The following KLF9 variants were observed in gnomAD, a reference collection of about 807,000 sequenced individuals.
KLF9 encodes the protein KLF transcription factor 9.
In KLF9, 2 loss-of-function variants were observed where a neutral mutation model predicts 17.3. That is an observed-to-expected ratio of 0.12 (90% CI 0.05 to 0.36). The LOEUF (loss-of-function observed/expected upper bound fraction) is 0.36. KLF9 is among the 10% of genes least tolerant of loss of function. The probability of loss-of-function intolerance (pLI) is 1.00; values close to 1 mark genes in which losing one functional copy is unlikely to be tolerated. For synonymous variants in KLF9, 138 were observed against 139.2 expected (o/e 0.99, Z 0.06); for missense variants, 226 against 333.2 (o/e 0.68, Z 2.51).
In KLF9 at chr9:70,413,153, T is replaced by C; in HGVS notation, c.211A>G (p.Asn71Asp). Residue 71 changes from asparagine to aspartate, a missense_variant, in exon 1 of 2, where the codon AAC becomes GAC. Transcript: ENST00000377126. This position sits in a 1 kb window ranked among gnomAD's most constrained non-coding sequence, Gnocchi z 5.6. ...VTIAKSLLDLNKYRPIQTPSV... is the reference protein window; with the variant it reads ...VTIAKSLLDLDKYRPIQTPSV... ...GGGGTCTGGATGGGTCGGTACTTGT[T>C]CAGGTCCAACAAGCTCTTGGCGATG... 1 of 1,614,190 alleles carries C rather than the reference T, an allele frequency of 6.2e-7. No individual in the cohort carries two copies. Among genetic ancestry groups the C allele is most frequent in the Non-Finnish European group, 8.5e-7 (1 of 1,180,044 alleles).
rs2037344957 is a variant in KLF9 at position 70,413,463 on chromosome 9, G to C, written c.-100C>G. 2.5e-6 allele frequency: 3 copies of C among 1,192,098 alleles called. No homozygotes were observed. The South Asian group carries it at 1.1e-4, about 45-fold the overall frequency. 73.8% of individuals were successfully genotyped at this position (1,192,098 alleles called of 1,614,324 possible). ...GGCCTCGGACGACGAGCGCGGCGCG[G>C]CGCGGCACGGCGCGGCGGCCAAGGG... On this transcript the variant is annotated 5_prime_UTR_variant, in exon 1 of 2. Transcript: ENST00000377126. The surrounding 1 kb of genome is among the most constrained non-coding windows in gnomAD (Gnocchi z 5.6).
rs2037352941 is a variant in KLF9, at chr9:70,413,917, C to G, written c.-554G>C. The G allele has an allele frequency of 6.5e-6, 1 of 152,738 alleles. No homozygotes were observed. The allele number at this position is 152,738 out of a possible 1,614,324, so 9.5% of individuals were successfully genotyped here. A position where few individuals can be genotyped will look rare whatever the true frequency, so the allele number is the denominator to read the frequency against. On this transcript the variant is annotated 5_prime_UTR_variant, in exon 1 of 2. Coordinates refer to ENST00000377126, the MANE Select transcript of KLF9 (RefSeq NM_001206.4). The surrounding 1 kb of genome is among the most constrained non-coding windows in gnomAD (Gnocchi z 5.6). ...CACTGACGGCTTCTGAACCCCTGCT[C>G]CGGCCGGTCCGCACCGTTCCGGCAT...
chr9:70,393,365 G>A (rs151259970), intron 1 of KLF9, among the ~76,000 whole-genome samples: 2 of 152,296 alleles, frequency 1.3e-5, no homozygotes, highest in East Asian at 3.9e-4. Flanking sequence ...GAAACGAATG[G>A]AGGTGAGTTC....
intron 1 of KLF9, among the ~76,000 whole-genome samples, chr9:70,398,006 C>T (rs905610179): frequency 6.6e-6 from 1 of 152,198 alleles, no homozygotes; most frequent in African/African-American, 2.4e-5. Flanking sequence ...TTTCAATGAA[C>T]ACTGAACTCA....
chr9:70,412,460 T>G (rs1161716335), intron 1 of KLF9, among the ~76,000 whole-genome samples: 1 of 152,148 alleles, frequency 6.6e-6, no homozygotes, highest in East Asian at 1.9e-4. Flanking sequence ...ACCACTTCTC[T>G]GCAACCCGAC....
intron 1 of KLF9, among the ~76,000 whole-genome samples, chr9:70,409,523 C>T (rs564496240): frequency 1.7e-4 from 26 of 152,012 alleles, no homozygotes; most frequent in African/African-American, 5.3e-4. Context: ...CTTTACCACC[C>T]GCCCCCCAAA....
Position 70,413,394 on chromosome 9 carries a change from G to C in KLF9, c.-31C>G. 2.0e-6 allele frequency: 3 copies of C among 1,463,728 alleles called. No individual in the cohort carries two copies. Among genetic ancestry groups the C allele is most frequent in the Non-Finnish European group, 2.7e-6 (3 of 1,110,014 alleles). 90.7% of individuals were successfully genotyped at this position (1,463,728 alleles called of 1,614,324 possible). ...GGGCGACGGCAGCCCAGGCGGCGCGGACAAACTTGGCGGTGGCTGCGGAGG... is the reference window on the plus strand; with the variant it reads ...GGGCGACGGCAGCCCAGGCGGCGCGCACAAACTTGGCGGTGGCTGCGGAGG... On this transcript the variant is annotated 5_prime_UTR_variant, in exon 1 of 2. Coordinates refer to ENST00000377126, the MANE Select transcript of KLF9 (RefSeq NM_001206.4). The surrounding 1 kb of genome is among the most constrained non-coding windows in gnomAD (Gnocchi z 5.6).
intron 1 of KLF9, among the ~76,000 whole-genome samples, chr9:70,390,520 A>T (rs569144352): frequency 1.2e-4 from 19 of 152,348 alleles, no homozygotes; most frequent in Non-Finnish European, 4.4e-5. Flanking sequence ...GCAAAAGTCA[A>T]AATACAGATT....
At chr9:70,407,451 G>A (rs1191955602) in intron 1 of KLF9, among the ~76,000 whole-genome samples, 3 of 152,116 alleles carry the variant, frequency 2.0e-5, no homozygotes, top group Admixed American at 1.3e-4. Flanking sequence ...TTCTCACCAC[G>A]CACAGAAGAT....
At position 70,409,124 on chromosome 9, in the gene KLF9, A is replaced by G. The variant is rs10780930; in HGVS notation, c.505+3735T>C. On this transcript the variant is annotated intron_variant, in intron 1 of 1. Transcript: ENST00000377126. ...TATGTGTATATATATACATATATGTATATATGTATACATATATATGTATAT... is the reference window on the plus strand; with the variant it reads ...TATGTGTATATATATACATATATGTGTATATGTATACATATATATGTATAT... 9.0e-5 allele frequency among the ~76,000 whole-genome samples: 7 copies of G among 77,674 alleles called. 1 individual carries two copies. Among genetic ancestry groups the G allele is most frequent in the African/African-American group, 1.7e-4 (5 of 28,796 alleles). 51.0% of individuals were successfully genotyped at this position (77,674 alleles called of 152,430 possible). A position where few individuals can be genotyped will look rare whatever the true frequency, so the allele number is the denominator to read the frequency against.
intron 1 of KLF9, among the ~76,000 whole-genome samples, chr9:70,410,950 C>G (rs1200842030): frequency 6.6e-6 from 1 of 152,194 alleles, no homozygotes; most frequent in Non-Finnish European, 1.5e-5. Flanking sequence ...CACCACATCC[C>G]TAGGTTCAAA....
At chr9:70,411,317 G>A (rs2037310908) in intron 1 of KLF9, among the ~76,000 whole-genome samples, 2 of 152,154 alleles carry the variant, frequency 1.3e-5, no homozygotes. Context: ...CGGGAACATG[G>A]CTGACACAGC....
chr9:70,408,639 A>T (rs2037273877), intron 1 of KLF9, among the ~76,000 whole-genome samples: 1 of 152,016 alleles, frequency 6.6e-6, no homozygotes, highest in South Asian at 2.1e-4. Flanking sequence ...GTTTTTCCTG[A>T]TACCTCCGAT....
At chr9:70,405,886 T>C (rs2037252132) in intron 1 of KLF9, among the ~76,000 whole-genome samples, 1 of 152,180 alleles carries the variant, frequency 6.6e-6, no homozygotes, top group African/African-American at 2.4e-5. Flanking sequence ...GTGGCCTTAA[T>C]GCATCAAAAA....
intron 1 of KLF9, among the ~76,000 whole-genome samples, chr9:70,409,964 T>A (rs1402148530): frequency 6.6e-6 from 1 of 152,260 alleles, no homozygotes; most frequent in Non-Finnish European, 1.5e-5. Flanking sequence ...CTCAAGGGGT[T>A]ACTGTGTGTG....
At chr9:70,397,473 TAA>T (rs371392350) in intron 1 of KLF9, among the ~76,000 whole-genome samples, 1 of 143,936 alleles carries the variant, frequency 6.9e-6, no homozygotes. Context: ...AGACTCTGAC[TAA>T]AAAAAAAAAC....
At chr9:70,388,135 C>T (rs535078864) in intron 1 of KLF9, 130 bp from the exon 2 acceptor site, 668 of 721,870 alleles carry the variant, frequency 9.3e-4, no homozygotes, top group Non-Finnish European at 1.4e-3. Context: ...TGTCCCCCTC[C>T]CCAAAATCCC....
At chr9:70,395,459 C>T (rs371623647) in intron 1 of KLF9, among the ~76,000 whole-genome samples, 4 of 151,848 alleles carry the variant, frequency 2.6e-5, no homozygotes, top group African/African-American at 4.8e-5. Context: ...GTTTTGAATA[C>T]GTAAAAATGT....
intron 1 of KLF9, among the ~76,000 whole-genome samples, chr9:70,396,328 A>T (rs1225513740): frequency 6.6e-6 from 1 of 152,268 alleles, no homozygotes; most frequent in Non-Finnish European, 1.5e-5. Context: ...GGTTTAATAC[A>T]TAAAGTATAT....
Sources: allele counts gnomAD v4.1 joint callset (sites outside exome capture counted in the v4.1 genomes callset), GRCh38; gene constraint gnomAD v4.1.1; non-coding constraint Gnocchi (gnomAD v3.1); transcripts MANE v1.5; gene names NCBI Gene and HGNC (gene_info 2026-07-23, HGNC 2026-07-21).